SFMBT1: variants seen among roughly 807,000 people sequenced by gnomAD.
The protein encoded by SFMBT1 is scm-like with four MBT domains protein 1.
SFMBT1 carries 32 observed loss-of-function variants against 108.7 expected under a neutral mutation model. The ratio of observed to expected loss-of-function variants is 0.29; its 90% CI spans 0.22 to 0.40. SFMBT1 has a LOEUF of 0.40. Ranked by LOEUF, SFMBT1 falls within the 10% of genes least tolerant of loss-of-function variation. The pLI is 1.00. For missense variants in SFMBT1, 816 were observed against 1,059.6 expected (o/e 0.77, Z 3.19); for synonymous variants, 348 against 369.5 (o/e 0.94, Z 0.67).
In SFMBT1 at chr3:52,943,613, T is replaced by TA; in HGVS notation, c.124-21dup. ...GTCCACCTTAACAGGGAAATGTTATTAAGCACCAGACAAGTATCTTAAATG... is the reference window on the plus strand; with the variant it reads ...GTCCACCTTAACAGGGAAATGTTATTAAAGCACCAGACAAGTATCTTAAATG... On this transcript the variant is annotated intron_variant, in intron 3 of 20. Coordinates refer to ENST00000394752, the MANE Select transcript of SFMBT1 (RefSeq NM_016329.4). The TA allele has an allele frequency of 1.2e-6, 2 of 1,614,220 alleles. No homozygotes were observed. Among genetic ancestry groups the TA allele is most frequent in the Non-Finnish European group, 1.7e-6 (2 of 1,180,014 alleles).
At chr3:52,950,231 T>C (rs925763818) in intron 3 of SFMBT1, among the ~76,000 whole-genome samples, 3 of 152,220 alleles carry the variant, frequency 2.0e-5, no homozygotes, top group African/African-American at 4.8e-5. Context: ...TTTTATATTA[T>C]TCCACTTTGC....
At chr3:53,022,449 C>CAAAAAAAAAAA (rs34744052) in intron 1 of SFMBT1, among the ~76,000 whole-genome samples, 2 of 40,644 alleles carry the variant, frequency 4.9e-5, no homozygotes, top group Non-Finnish European at 1.2e-4. Flanking sequence ...GGTGCTGTCT[C>CAAAAAAAAAAA]AAAAAAAAAA....
intron 1 of SFMBT1, among the ~76,000 whole-genome samples, chr3:52,992,323 T>C (rs1705166093): frequency 6.6e-6 from 1 of 152,218 alleles, no homozygotes; most frequent in African/African-American, 2.4e-5. Context: ...TTGTTTATAA[T>C]ACAAAGGGTA....
chr3:53,045,236 C>G (rs1428001619), intron 1 of SFMBT1: 1 of 149,478 alleles, frequency 6.7e-6, no homozygotes, highest in Non-Finnish European at 1.5e-5. Context: ...CCACTAGACG[C>G]TCCGCCACCG....
At chr3:52,973,217 A>G (rs1293499676) in intron 1 of SFMBT1, among the ~76,000 whole-genome samples, 6 of 152,146 alleles carry the variant, frequency 3.9e-5, no homozygotes, top group African/African-American at 1.4e-4. Flanking sequence ...ACCCTGTCTC[A>G]AAAATTAATA....
intron 1 of SFMBT1, among the ~76,000 whole-genome samples, chr3:53,039,926 T>C (rs1699982471): frequency 6.6e-6 from 1 of 152,268 alleles, no homozygotes; most frequent in South Asian, 2.1e-4. Flanking sequence ...TATATCACTA[T>C]GTTCTAGACA....
chr3:52,945,820 A>G (rs983916674), intron 3 of SFMBT1, among the ~76,000 whole-genome samples: 19 of 151,970 alleles, frequency 1.3e-4, no homozygotes, highest in Non-Finnish European at 2.5e-4. Context: ...CAAAAAAAAA[A>G]AAAAGAAAAA....
chr3:53,041,247 GAGTT>G (rs1029216749), intron 1 of SFMBT1, among the ~76,000 whole-genome samples: 5 of 152,030 alleles, frequency 3.3e-5, no homozygotes, highest in African/African-American at 9.7e-5. Flanking sequence ...AGGTGTCTCT[GAGTT>G]AGAGGAAAAG....
At chr3:52,905,337 A>AC (rs1702040150) in intron 20 of SFMBT1, 61 bp from the exon 21 acceptor site, 3 of 1,547,918 alleles carry the variant, frequency 1.9e-6, no homozygotes, top group Non-Finnish European at 2.6e-6. Flanking sequence ...CTTGATCATG[A>AC]CAGCCTCTCC....
At chr3:52,959,217 C>A (rs1305908762) in intron 2 of SFMBT1, among the ~76,000 whole-genome samples, 1 of 152,122 alleles carries the variant, frequency 6.6e-6, no homozygotes, top group Non-Finnish European at 1.5e-5. Context: ...CAGCAAATCA[C>A]CATGGCACAT....
chr3:53,005,019 T>C (rs1698690341), intron 1 of SFMBT1, among the ~76,000 whole-genome samples: 1 of 152,250 alleles, frequency 6.6e-6, no homozygotes, highest in Non-Finnish European at 1.5e-5. Flanking sequence ...AAATTCAGTT[T>C]GTTTACTGCT....
chr3:53,007,117 CTT>C (rs1024659719), intron 1 of SFMBT1, among the ~76,000 whole-genome samples: 1 of 152,186 alleles, frequency 6.6e-6, no homozygotes, highest in Non-Finnish European at 1.5e-5. Context: ...CTCTCCCACT[CTT>C]GTTTCAATGA....
At chr3:52,910,494 C>CT (rs113667520) in intron 17 of SFMBT1, among the ~76,000 whole-genome samples, 8 of 151,042 alleles carry the variant, frequency 5.3e-5, no homozygotes, top group Admixed American at 1.3e-4. Context: ...TTAAAGGGTT[C>CT]TTTTTTTTTG....
At chr3:53,033,930 T>G (rs982534563) in intron 1 of SFMBT1, among the ~76,000 whole-genome samples, 6 of 150,614 alleles carry the variant, frequency 4.0e-5, no homozygotes, top group African/African-American at 1.2e-4. Flanking sequence ...ATTAGCGGGG[T>G]GTGGTGGCGC....
chr3:52,953,433 C>CT (rs1262914708), intron 3 of SFMBT1, among the ~76,000 whole-genome samples: 1 of 112,490 alleles, frequency 8.9e-6, no homozygotes, highest in African/African-American at 2.9e-5. Flanking sequence ...CACTGACCCC[C>CT]TACCCCCCTC....
chr3:52,918,475 G>A lies in SFMBT1; in HGVS notation c.1415+9C>T, dbSNP rs376042576. ...ACTTGTAAACTGTTCATATTATTAC[G>A]TTACTTACTGTTTTTCTGGCTGAAC... On this transcript the variant is annotated intron_variant, in intron 13 of 20. Transcript: ENST00000394752. 6.9e-5 allele frequency: 108 copies of A among 1,555,990 alleles called. 1 individual carries two copies. In the Middle Eastern group the frequency reaches 1.5e-3, roughly 22 times the overall value.
At chr3:53,007,164 G>A (rs980496822) in intron 1 of SFMBT1, among the ~76,000 whole-genome samples, 1 of 152,120 alleles carries the variant, frequency 6.6e-6, no homozygotes, top group Non-Finnish European at 1.5e-5. Flanking sequence ...AGTGTTTGGG[G>A]GCTTTTTGTG....
At chr3:52,931,080 TAC>T in intron 6 of SFMBT1, 45 bp from the exon 7 acceptor site, 1 of 1,550,964 alleles carries the variant, frequency 6.4e-7, no homozygotes, top group Non-Finnish European at 8.9e-7. Flanking sequence ...GAGAAACTTA[TAC>T]TTTTTACCTG....
At chr3:52,924,440 GA>G (rs1702600589) in intron 10 of SFMBT1, among the ~76,000 whole-genome samples, 1 of 152,082 alleles carries the variant, frequency 6.6e-6, no homozygotes, top group Non-Finnish European at 1.5e-5. Context: ...TCAGGAGTTT[GA>G]GACCAGCCTG....
Sources: allele counts gnomAD v4.1 joint callset (sites outside exome capture counted in the v4.1 genomes callset), GRCh38; gene constraint gnomAD v4.1.1; transcripts MANE v1.5; gene names NCBI Gene and HGNC (gene_info 2026-07-23, HGNC 2026-07-21).